The following CDH20 variants were observed in gnomAD, a reference collection of about 807,000 sequenced individuals.
CDH20 encodes the protein cadherin-20.
CDH20 carries 29 observed loss-of-function variants against 74.2 expected under a neutral mutation model. That is an observed-to-expected ratio of 0.39 (90% CI 0.29 to 0.53). CDH20 has a LOEUF of 0.53. Among genes scored for constraint, CDH20 ranks in the 20% least tolerant of loss-of-function variants. CDH20 has a pLI of 0.69. For missense variants in CDH20, 988 were observed against 1,048.3 expected, an observed-to-expected ratio of 0.94 and a Z score of 0.79; for synonymous variants, 469 against 405.4, an observed-to-expected ratio of 1.16 and a Z score of -1.88.
chr18:61,419,944 A>G (rs769930799), intron 1 of CDH20, among the ~76,000 whole-genome samples: 1 of 150,520 alleles, frequency 6.6e-6, no homozygotes. Context: ...GCCCTCCCCC[A>G]CCCCACCAAA....
chr18:61,512,982 G>T (rs1448257812), intron 6 of CDH20, among the ~76,000 whole-genome samples: 1 of 152,084 alleles, frequency 6.6e-6, no homozygotes, highest in Non-Finnish European at 1.5e-5. Flanking sequence ...ATATTCTGTT[G>T]ATTTGGGGTG....
Position 61,359,847 on chromosome 18 carries a change from T to A in CDH20, c.-153+26020T>A, listed in dbSNP as rs146469255. ...GCTATTTCTTCTGCAGCCTATACTG[T>A]GTGGTAGGTGCTGGGCTGGCGTTCT... On this transcript the variant is annotated intron_variant, in intron 1 of 11. Coordinates refer to ENST00000262717, the MANE Select transcript of CDH20 (RefSeq NM_031891.4). Among the ~76,000 whole-genome samples, 6 of 152,324 alleles carry A rather than the reference T, an allele frequency of 3.9e-5. No homozygotes were observed. In the East Asian group the frequency reaches 1.2e-3, roughly 29 times the overall value.
At chr18:61,414,854 A>G (rs73963090) in intron 1 of CDH20, among the ~76,000 whole-genome samples, 2,412 of 152,136 alleles carry the variant, frequency 0.016, 58 homozygotes, top group African/African-American at 0.055. Flanking sequence ...TATTTTAATT[A>G]TTTTCAAGTG....
chr18:61,487,354 TA>T (rs1453665154), intron 1 of CDH20, among the ~76,000 whole-genome samples: 2 of 152,182 alleles, frequency 1.3e-5, no homozygotes, highest in African/African-American at 4.8e-5. Flanking sequence ...AACTGTTTTG[TA>T]AAAAACACCT....
intron 1 of CDH20, among the ~76,000 whole-genome samples, chr18:61,487,505 A>T (rs1910808201): frequency 6.6e-6 from 1 of 152,240 alleles, no homozygotes; most frequent in Admixed American, 6.5e-5. Flanking sequence ...CTATCAAGTT[A>T]TATAAGACAG....
chr18:61,441,747 A>G (rs1909040304), intron 1 of CDH20, among the ~76,000 whole-genome samples: 1 of 152,168 alleles, frequency 6.6e-6, no homozygotes. Flanking sequence ...TTTTCTATTT[A>G]GTAAAGGTTC....
At chr18:61,510,671 T>A (rs1471275127) in intron 6 of CDH20, among the ~76,000 whole-genome samples, 1 of 152,162 alleles carries the variant, frequency 6.6e-6, no homozygotes, top group African/African-American at 2.4e-5. Flanking sequence ...CAGAAATCTT[T>A]CTATCCTGTA....
rs917143700 is a variant in CDH20 at position 61,333,747 on chromosome 18, G to C, written c.-233G>C. On this transcript the variant is annotated 5_prime_UTR_variant, in exon 1 of 12. Coordinates refer to ENST00000262717, the MANE Select transcript of CDH20 (RefSeq NM_031891.4). ...CCAGCGGGGCACCAGCCGCCCAGTG[G>C]GGGAGGCAGCTACGTGAGCAGAACG... 3 of 153,164 alleles carry C rather than the reference G, an allele frequency of 2.0e-5. No individual in the cohort carries two copies. Among genetic ancestry groups the C allele is most frequent in the African/African-American group, 7.2e-5 (3 of 41,578 alleles). The allele number at this position is 153,164 out of a possible 1,614,324, so 9.5% of individuals were successfully genotyped here. A position where few individuals can be genotyped will look rare whatever the true frequency, so the allele number is the denominator to read the frequency against.
At chr18:61,545,680 T>C (rs756539619) in intron 10 of CDH20, among the ~76,000 whole-genome samples, 1 of 152,062 alleles carries the variant, frequency 6.6e-6, no homozygotes. Context: ...TGGGGGCACA[T>C]TTCTAGGCAG....
At chr18:61,482,873 C>T (rs376851403) in intron 1 of CDH20, among the ~76,000 whole-genome samples, 3 of 152,230 alleles carry the variant, frequency 2.0e-5, no homozygotes, top group East Asian at 3.9e-4. Context: ...TACTTCAATC[C>T]AATATCCCCA....
At chr18:61,474,868 C>A (rs771411278) in intron 1 of CDH20, among the ~76,000 whole-genome samples, 1 of 151,704 alleles carries the variant, frequency 6.6e-6, no homozygotes, top group African/African-American at 2.4e-5. Context: ...AAGGAAGGGC[C>A]GGGGAAAGGC....
intron 1 of CDH20, among the ~76,000 whole-genome samples, chr18:61,458,152 C>A (rs1025973567): frequency 1.3e-5 from 2 of 152,234 alleles, no homozygotes; most frequent in Admixed American, 6.5e-5. Context: ...ATCTGGTTGC[C>A]TTCTCATTCC....
At chr18:61,552,592 T>G (rs1157200200) in intron 11 of CDH20, among the ~76,000 whole-genome samples, 1 of 152,074 alleles carries the variant, frequency 6.6e-6, no homozygotes, top group Non-Finnish European at 1.5e-5. Flanking sequence ...CCCTACCCAG[T>G]CTCCCAGGTA....
At chr18:61,485,947 C>A (rs1281795698) in intron 1 of CDH20, among the ~76,000 whole-genome samples, 2 of 152,116 alleles carry the variant, frequency 1.3e-5, no homozygotes, top group East Asian at 3.9e-4. Flanking sequence ...GTGGCGGGCA[C>A]CTGCAGTCCC....
chr18:61,397,099 C>T (rs2144217397), intron 1 of CDH20, among the ~76,000 whole-genome samples: 1 of 152,182 alleles, frequency 6.6e-6, no homozygotes, highest in South Asian at 2.1e-4. Context: ...GTAGGTGTTG[C>T]TTCCATGGGC....
chr18:61,500,572 C>A, intron 4 of CDH20, 70 bp downstream of exon 4: 2 of 1,493,904 alleles, frequency 1.3e-6, no homozygotes, highest in East Asian at 4.6e-5. Context: ...TATGACAGAC[C>A]CAACTCTCCT....
intron 1 of CDH20, among the ~76,000 whole-genome samples, chr18:61,416,715 G>A (rs903709141): frequency 1.3e-5 from 2 of 152,204 alleles, no homozygotes; most frequent in African/African-American, 4.8e-5. Flanking sequence ...AAAGACACAT[G>A]ACCACACCTA....
intron 2 of CDH20, among the ~76,000 whole-genome samples, chr18:61,496,030 ACC>A (rs1911127993): frequency 5.5e-5 from 1 of 18,140 alleles, no homozygotes. Context: ...TTCCTCTCCC[ACC>A]TCTCTCCTCC....
chr18:61,552,495 C>T (rs1913470587), intron 11 of CDH20, among the ~76,000 whole-genome samples: 1 of 152,080 alleles, frequency 6.6e-6, no homozygotes, highest in Non-Finnish European at 1.5e-5. Context: ...GAATTCTCTC[C>T]AGCAAGGTAT....
Sources: allele counts gnomAD v4.1 joint callset (sites outside exome capture counted in the v4.1 genomes callset), GRCh38; gene constraint gnomAD v4.1.1; transcripts MANE v1.5; gene names NCBI Gene and HGNC (gene_info 2026-07-23, HGNC 2026-07-21).